The following BRINP2 variants were observed in gnomAD, a reference collection of about 807,000 sequenced individuals.
BRINP2 encodes BMP/retinoic acid-inducible neural-specific protein 2.
A neutral mutation model predicts 69.2 loss-of-function variants in BRINP2; 21 were observed. The ratio of observed to expected loss-of-function variants is 0.30; its 90% CI spans 0.22 to 0.44. BRINP2 has a LOEUF of 0.44. Among genes scored for constraint, BRINP2 ranks in the 20% least tolerant of loss-of-function variants. The pLI, the probability that BRINP2 is intolerant of heterozygous loss-of-function variation, is 1.00. For missense variants in BRINP2, 877 were observed against 986.0 expected (o/e 0.89, Z 1.48); for synonymous variants, 380 against 394.1 (o/e 0.96, Z 0.42).
At chr1:177,187,228 G>GC (rs11302136) in intron 1 of BRINP2, among the ~76,000 whole-genome samples, 18 of 151,744 alleles carry the variant, frequency 1.2e-4, no homozygotes, top group Admixed American at 9.2e-4. Flanking sequence ...AGCATATTGT[G>GC]CCCCCCTAAC....
At position 177,170,987 on chromosome 1, in the gene BRINP2, G is replaced by C. The variant is rs917771491; in HGVS notation, c.-822G>C. Reference sequence around the variant, plus strand: ...CTGCAGGTGACACTGCTTAGGTACGGAGCGCGGAGTCGGAGCGGGGACGCG... The same window carrying C: ...CTGCAGGTGACACTGCTTAGGTACGCAGCGCGGAGTCGGAGCGGGGACGCG... On this transcript the variant is annotated 5_prime_UTR_variant, in exon 1 of 8. Transcript: ENST00000361539. Among the ~76,000 whole-genome samples the C allele has an allele frequency of 6.6e-6, 1 of 152,278 alleles. No homozygotes were observed. The highest frequency in any genetic ancestry group is 1.5e-5 in the Non-Finnish European group (1 of 68,048).
chr1:177,278,477 G>T (rs1231788685), intron 6 of BRINP2, 86 bp from the exon 7 acceptor site: 18 of 1,282,428 alleles, frequency 1.4e-5, no homozygotes, highest in Non-Finnish European at 2.0e-5. Flanking sequence ...ACTTTGAAGG[G>T]CCCTGGATCT....
At chr1:177,235,623 G>A (rs573125746) in intron 2 of BRINP2, among the ~76,000 whole-genome samples, 3 of 152,270 alleles carry the variant, frequency 2.0e-5, no homozygotes, top group South Asian at 4.2e-4. Context: ...TCCGGACCAC[G>A]TCTCTCTGAC....
At chr1:177,230,283 C>A in intron 2 of BRINP2, 138 bp downstream of exon 2, 4 of 940,340 alleles carry the variant, frequency 4.3e-6, no homozygotes, top group Non-Finnish European at 6.1e-6. Flanking sequence ...GGAGGAACAC[C>A]AGGCAGGGAA....
At chr1:177,189,031 G>A (rs540960106) in intron 1 of BRINP2, among the ~76,000 whole-genome samples, 1 of 152,312 alleles carries the variant, frequency 6.6e-6, no homozygotes, top group South Asian at 2.1e-4. Flanking sequence ...GGTTCTTGGA[G>A]AGGTAAAGAA....
rs779701224 is a variant in BRINP2, at chr1:177,249,154, G to A, written c.270-6765G>A. On this transcript the variant is annotated intron_variant, in intron 2 of 7. Coordinates refer to ENST00000361539, the MANE Select transcript of BRINP2 (RefSeq NM_021165.4). Reference sequence around the variant, plus strand: ...ATTCTGAGTGTCGGTATGCTTGGCTGATTTAACACATTGGATTATACCTTC... The same window carrying A: ...ATTCTGAGTGTCGGTATGCTTGGCTAATTTAACACATTGGATTATACCTTC... Among the ~76,000 whole-genome samples, 43 of 152,296 alleles carry A rather than the reference G, an allele frequency of 2.8e-4. 1 individual carries two copies. The highest frequency in any genetic ancestry group is 5.2e-4 in the Admixed American group (8 of 15,292).
At chr1:177,220,906 A>T (rs1649509838) in intron 1 of BRINP2, among the ~76,000 whole-genome samples, 1 of 152,238 alleles carries the variant, frequency 6.6e-6, no homozygotes, top group African/African-American at 2.4e-5. Flanking sequence ...GGCCATGCTG[A>T]CAGGCCATCT....
At chr1:177,220,427 G>T (rs1344475795) in intron 1 of BRINP2, among the ~76,000 whole-genome samples, 1 of 152,024 alleles carries the variant, frequency 6.6e-6, no homozygotes, top group Non-Finnish European at 1.5e-5. Flanking sequence ...TTCAAAGTGT[G>T]CAGTACCTCC....
intron 1 of BRINP2, among the ~76,000 whole-genome samples, chr1:177,222,788 G>C (rs897965813): frequency 5.9e-5 from 9 of 152,104 alleles, no homozygotes; most frequent in African/African-American, 9.7e-5. Flanking sequence ...AAGGCAGGCA[G>C]CCAGGTTCTG....
chr1:177,280,083 A>C (rs1176556065), intron 7 of BRINP2, among the ~76,000 whole-genome samples: 1 of 152,204 alleles, frequency 6.6e-6, no homozygotes, highest in African/African-American at 2.4e-5. Context: ...TAGAAGGCTG[A>C]AAACAGATTT....
chr1:177,281,403 T>C lies in BRINP2; in HGVS notation c.2227T>C (p.Cys743Arg). The change falls in exon 8 of 8, where the codon TGC (cysteine) becomes CGC (arginine). Residue 743 changes from cysteine (C) to arginine (R), a missense_variant. By Grantham distance (180) the Cys-to-Arg change is radical (BLOSUM62 -3). Coordinates refer to ENST00000361539, the MANE Select transcript of BRINP2 (RefSeq NM_021165.4). ...CAAAGTCCGACTTGACCTTTTCTCC[T>C]GCTTGCTCCGGCATCGGCTTAAGCT... is the stretch of plus-strand genomic sequence containing the variant. ...PGKVRLDLFS[C>R]LLRHRLKLAN... The C allele has an allele frequency of 7.4e-6, 12 of 1,614,134 alleles. No individual in the cohort carries two copies. The highest frequency in any genetic ancestry group is 1.0e-5 in the Non-Finnish European group (12 of 1,180,036).
intron 2 of BRINP2, among the ~76,000 whole-genome samples, chr1:177,245,652 G>A (rs1650354489): frequency 6.6e-6 from 1 of 152,174 alleles, no homozygotes. Flanking sequence ...GGGATGTCAG[G>A]AAAGATCTGA....
chr1:177,247,744 C>T lies in BRINP2; in HGVS notation c.270-8175C>T, dbSNP rs538095323. On this transcript the variant is annotated intron_variant, in intron 2 of 7. Coordinates refer to ENST00000361539, the MANE Select transcript of BRINP2 (RefSeq NM_021165.4). ...CTGTCATTGCTTGCAAAATGGGTTC[C>T]GTGGCTGCCTTAAGACTTCCCCACA... 9.8e-5 allele frequency among the ~76,000 whole-genome samples: 15 copies of T among 152,322 alleles called. No homozygotes were observed. The East Asian group carries it at 2.3e-3, about 24-fold the overall frequency.
chr1:177,280,863 C>T lies in BRINP2; in HGVS notation c.1687C>T (p.Leu563=). 6 of 1,614,152 alleles carry T rather than the reference C, an allele frequency of 3.7e-6. No homozygotes were observed. Among genetic ancestry groups the T allele is most frequent in the Non-Finnish European group, 5.1e-6 (6 of 1,180,008 alleles). The part of the protein sequence containing the change: ...TLKSNKYKPG[L]VHVMLALSLQ... The stretch of plus-strand genomic sequence containing the variant: ...GAAGAGCAACAAGTACAAGCCTGGG[C>T]TGGTGCACGTGATGTTGGCCTTGTC... The change falls in exon 8 of 8, where the codon CTG becomes TTG. Residue 563 remains leucine (L), a synonymous_variant. Coordinates refer to ENST00000361539, the MANE Select transcript of BRINP2 (RefSeq NM_021165.4).
At chr1:177,187,287 G>A (rs528649733) in intron 1 of BRINP2, among the ~76,000 whole-genome samples, 18 of 152,224 alleles carry the variant, frequency 1.2e-4, no homozygotes, top group African/African-American at 3.4e-4. Context: ...CATCCAGGCT[G>A]GCTGGCCTAT....
In BRINP2 at chr1:177,256,355, C is replaced by A. The variant is rs568252796; in HGVS notation, c.460+246C>A. Reference sequence around the variant, plus strand: ...CGGTTGGAGGTGGACAGGCTCCTAACAAGCACTTGCCAGCAGGGGGCACTC... The same window carrying A: ...CGGTTGGAGGTGGACAGGCTCCTAAAAAGCACTTGCCAGCAGGGGGCACTC... On this transcript the variant is annotated intron_variant, in intron 3 of 7. Coordinates refer to ENST00000361539, the MANE Select transcript of BRINP2 (RefSeq NM_021165.4). 531 of 985,382 alleles carry A rather than the reference C, an allele frequency of 5.4e-4. 1 individual carries two copies. Among genetic ancestry groups the A allele is most frequent in the Middle Eastern group, 2.1e-3 (4 of 1,912 alleles). 61.0% of individuals were successfully genotyped at this position (985,382 alleles called of 1,614,324 possible). A position where few individuals can be genotyped will look rare whatever the true frequency, so the allele number is the denominator to read the frequency against.
chr1:177,214,632 T>C (rs930962825), intron 1 of BRINP2, among the ~76,000 whole-genome samples: 6 of 152,172 alleles, frequency 3.9e-5, no homozygotes, highest in African/African-American at 9.7e-5. Flanking sequence ...GGCAGTATGA[T>C]GGGAGTTTTG....
At chr1:177,178,017 T>TA (rs1648140253) in intron 1 of BRINP2, among the ~76,000 whole-genome samples, 1 of 152,198 alleles carries the variant, frequency 6.6e-6, no homozygotes, top group Non-Finnish European at 1.5e-5. Context: ...TGAAGAAATG[T>TA]AAATTGTCCT....
chr1:177,245,635 G>A (rs1033974731), intron 2 of BRINP2, among the ~76,000 whole-genome samples: 11 of 152,208 alleles, frequency 7.2e-5, no homozygotes, highest in African/African-American at 2.7e-4. Flanking sequence ...ATGCTGGGGA[G>A]CAGTTTGGGA....
Sources: allele counts gnomAD v4.1 joint callset (sites outside exome capture counted in the v4.1 genomes callset), GRCh38; gene constraint gnomAD v4.1.1; transcripts MANE v1.5; gene names NCBI Gene and HGNC (gene_info 2026-07-23, HGNC 2026-07-21).